CNGA3: variants seen among roughly 807,000 people sequenced by gnomAD.
The protein encoded by CNGA3 is cyclic nucleotide gated channel subunit alpha 3.
CNGA3 carries 42 observed loss-of-function variants against 46.6 expected under a neutral mutation model. The ratio of observed to expected loss-of-function variants is 0.90; its 90% CI spans 0.70 to 1.17. CNGA3 has a LOEUF of 1.17. Among genes scored for constraint, CNGA3 ranks in the 50% most tolerant of loss-of-function variants. The pLI is 0.00. For missense variants in CNGA3, 893 were observed against 890.7 expected (o/e 1.00, Z -0.03); for synonymous variants, 394 against 369.4 (o/e 1.07, Z -0.76).
At position 98,397,751 on chromosome 2, in the gene CNGA3, A is replaced by G. The variant is rs889838174; in HGVS notation, c.*496A>G. 7.8e-5 allele frequency: 14 copies of G among 180,250 alleles called. No homozygotes were observed. Among genetic ancestry groups the G allele is most frequent in the Admixed American group, 4.8e-4 (9 of 18,706 alleles). The allele number at this position is 180,250 out of a possible 1,614,324, so 11.2% of individuals were successfully genotyped here. A position where few individuals can be genotyped will look rare whatever the true frequency, so the allele number is the denominator to read the frequency against. On this transcript the variant is annotated 3_prime_UTR_variant, in exon 8 of 8. Transcript: ENST00000272602. Reference sequence around the variant, plus strand: ...AAGACAGTTTGAGGCATATTTCTTAATCTGGTATCACCTCGTGTGTTCTTT... The same window carrying G: ...AAGACAGTTTGAGGCATATTTCTTAGTCTGGTATCACCTCGTGTGTTCTTT...
chr2:98,355,097 G>A (rs1691850334), intron 1 of CNGA3, among the ~76,000 whole-genome samples: 1 of 152,200 alleles, frequency 6.6e-6, no homozygotes, highest in Admixed American at 6.5e-5. Context: ...ATTCTATTAG[G>A]AGGGAGTATT....
At chr2:98,377,927 G>A (rs1692445620) in intron 3 of CNGA3, 127 bp downstream of exon 3, 30 of 1,294,740 alleles carry the variant, frequency 2.3e-5, no homozygotes, top group Non-Finnish European at 3.2e-5. Flanking sequence ...AGGGTCAGGA[G>A]CAGAGCAGCC....
At chr2:98,357,403 A>T (rs1691907600) in intron 1 of CNGA3, among the ~76,000 whole-genome samples, 1 of 152,220 alleles carries the variant, frequency 6.6e-6, no homozygotes, top group Non-Finnish European at 1.5e-5. Context: ...ATGGCTTCTC[A>T]CCTGGGAAGC....
intron 7 of CNGA3, among the ~76,000 whole-genome samples, chr2:98,394,303 G>A (rs1692859863): frequency 6.6e-6 from 1 of 152,138 alleles, no homozygotes. Flanking sequence ...CTCCAGACCA[G>A]TCAGATTCTT....
intron 7 of CNGA3, among the ~76,000 whole-genome samples, chr2:98,393,320 G>A (rs1319954071): frequency 6.6e-6 from 1 of 152,180 alleles, no homozygotes; most frequent in East Asian, 1.9e-4. Flanking sequence ...GTGGCTCCAC[G>A]TACAATACAT....
At chr2:98,378,600 C>T (rs1370540012) in intron 3 of CNGA3, among the ~76,000 whole-genome samples, 2 of 152,214 alleles carry the variant, frequency 1.3e-5, no homozygotes, top group Admixed American at 6.5e-5. Context: ...GATGCTACTC[C>T]ACCATTGTTT....
chr2:98,348,381 G>C (rs1224282636), intron 1 of CNGA3, among the ~76,000 whole-genome samples: 1 of 152,222 alleles, frequency 6.6e-6, no homozygotes, highest in Non-Finnish European at 1.5e-5. Context: ...TCTGCTAGTG[G>C]TGGCTGCCTC....
In CNGA3 at chr2:98,380,341, G is replaced by T; in HGVS notation, c.382G>T (p.Asp128Tyr). Residue 128 changes from aspartate to tyrosine, a missense_variant, in exon 4 of 8, where the codon GAC becomes TAC. Around this residue, in one of 3 missense-constraint regions of CNGA3, gnomAD observed 333 missense variants for 290.8 expected, o/e 1.15. Coordinates refer to ENST00000272602, the MANE Select transcript of CNGA3 (RefSeq NM_001298.3). ...QANVGSQEPA[D>Y]RGRSAWPLAK... Reference sequence around the variant, plus strand: ...AAATGTGGGCAGCCAGGAGCCAGCAGACAGAGGGAGAAGGTAAGGAACGGA... The same window carrying T: ...AAATGTGGGCAGCCAGGAGCCAGCATACAGAGGGAGAAGGTAAGGAACGGA... The T allele has an allele frequency of 6.2e-7, 1 of 1,614,154 alleles. No individual in the cohort carries two copies. The highest frequency in any genetic ancestry group is 1.1e-5 in the South Asian group (1 of 91,064).
At position 98,396,221 on chromosome 2, in the gene CNGA3, A is replaced by G; in HGVS notation, c.1051A>G (p.Lys351Glu). The change falls in exon 8 of 8, where the codon AAG becomes GAG. Residue 351 changes from lysine (K) to glutamate (E), a missense_variant. By Grantham distance (56) the Lys-to-Glu change is moderately conservative. Transcript: ENST00000272602. ...SIPEHGRLSR[K>E]YIYSLYWSTL... The stretch of plus-strand genomic sequence containing the variant: ...CCCAGAGCATGGGCGCCTCTCCAGG[A>G]AGTACATTTACAGTCTCTACTGGTC... 6.2e-7 allele frequency: 1 copy of G among 1,614,086 alleles called. No homozygotes were observed. The highest frequency in any genetic ancestry group is 1.7e-5 in the Admixed American group (1 of 60,018).
At chr2:98,384,351 G>A (rs3769747) in intron 5 of CNGA3, among the ~76,000 whole-genome samples, 126,930 of 152,150 alleles carry the variant, frequency 0.83, 53,372 homozygotes, top group Admixed American at 0.93. Flanking sequence ...ATTAGGGACA[G>A]CGTGGCACTA....
intron 2 of CNGA3, among the ~76,000 whole-genome samples, chr2:98,377,018 C>T (rs971121836): frequency 6.6e-6 from 1 of 152,190 alleles, no homozygotes; most frequent in Non-Finnish European, 1.5e-5. Context: ...CTTACCTCTG[C>T]CTTGCAGGAG....
rs202197432 is a variant in CNGA3 at position 98,377,766 on chromosome 2, G to C, written c.181G>C (p.Gly61Arg). Residue 61 changes from glycine (G) to arginine (R), a missense_variant, in exon 3 of 8, where the codon GGG (glycine) becomes CGG (arginine). By Grantham distance (125) the Gly-to-Arg change is moderately radical (BLOSUM62 -2). Coordinates refer to ENST00000272602, the MANE Select transcript of CNGA3 (RefSeq NM_001298.3). ...AMETRGLADS[G>R]QGSFTGQGIA... is the part of the protein sequence containing the mutation. Reference sequence around the variant, plus strand: ...GGAGACCAGAGGACTGGCTGACTCCGGGCAGGGCTCCTTCACCGGCCAGGG... The same window carrying C: ...GGAGACCAGAGGACTGGCTGACTCCCGGCAGGGCTCCTTCACCGGCCAGGG... 7 of 1,612,372 alleles carry C rather than the reference G, an allele frequency of 4.3e-6. No individual in the cohort carries two copies. The Admixed American group carries it at 1.2e-4, about 27-fold the overall frequency.
At chr2:98,371,626 G>A (rs1183084968) in intron 2 of CNGA3, among the ~76,000 whole-genome samples, 1 of 152,194 alleles carries the variant, frequency 6.6e-6, no homozygotes, top group Admixed American at 6.5e-5. Flanking sequence ...GCATCAGAAA[G>A]TTCCATCCTA....
At position 98,379,029 on chromosome 2, in the gene CNGA3, T is replaced by A. The variant is rs771816478; in HGVS notation, c.216-1146T>A. Among the ~76,000 whole-genome samples, 4 of 152,236 alleles carry A rather than the reference T, an allele frequency of 2.6e-5. No homozygotes were observed. The East Asian group carries it at 5.8e-4, about 22-fold the overall frequency. ...GTTCAGAGGCCTGAGTGGCTCTCTGTGCGTCAGTTGTCTGTCCTAGTCCCA... is the reference window on the plus strand; with the variant it reads ...GTTCAGAGGCCTGAGTGGCTCTCTGAGCGTCAGTTGTCTGTCCTAGTCCCA... On this transcript the variant is annotated intron_variant, in intron 3 of 7. Transcript: ENST00000272602.
At chr2:98,390,921 A>G (rs1420407033) in intron 6 of CNGA3, among the ~76,000 whole-genome samples, 4 of 152,182 alleles carry the variant, frequency 2.6e-5, no homozygotes, top group Admixed American at 2.6e-4. Flanking sequence ...GATGCATGCG[A>G]GAGGAGACGA....
chr2:98,349,944 G>A (rs771982389), intron 1 of CNGA3, among the ~76,000 whole-genome samples: 6 of 152,166 alleles, frequency 3.9e-5, no homozygotes, highest in Non-Finnish European at 8.8e-5. Context: ...GGAAGAGCAT[G>A]CTTGACAGTA....
At position 98,358,395 on chromosome 2, in the gene CNGA3, T is replaced by G. The variant is rs140736656; in HGVS notation, c.-37-11544T>G. Among the ~76,000 whole-genome samples, 854 of 152,268 alleles carry G rather than the reference T, an allele frequency of 5.6e-3. 37 individuals carry two copies. The highest frequency in any genetic ancestry group is 0.049 in the Admixed American group (757 of 15,298). ...AATTGATGGATCTAGCAAATGAACA[T>G]CAACAGCTGCTAATGTCCCCCAGAG... On this transcript the variant is annotated intron_variant, in intron 1 of 7. Coordinates refer to ENST00000272602, the MANE Select transcript of CNGA3 (RefSeq NM_001298.3).
intron 1 of CNGA3, among the ~76,000 whole-genome samples, chr2:98,365,742 C>A (rs981430202): frequency 2.6e-5 from 4 of 152,082 alleles, no homozygotes; most frequent in African/African-American, 9.7e-5. Context: ...TTTTTCAGAA[C>A]CATCAGGTCA....
intron 2 of CNGA3, among the ~76,000 whole-genome samples, chr2:98,373,325 C>A (rs1449006652): frequency 6.6e-6 from 1 of 152,204 alleles, no homozygotes; most frequent in Non-Finnish European, 1.5e-5. Context: ...ACCTCTTTGT[C>A]TTGAAATTCC....
Sources: gnomAD v4.1 joint callset for allele counts (sites outside exome capture counted in the v4.1 genomes callset) on GRCh38, gnomAD v4.1.1 for gene constraint, gnomAD v4.1.1 regional missense constraint, MANE v1.5 for transcripts, NCBI Gene and HGNC (gene_info 2026-07-23, HGNC 2026-07-21) for gene names.